The following BICC1 variants were observed in gnomAD, a reference collection of about 807,000 sequenced individuals.
The protein encoded by BICC1 is protein bicaudal C homolog 1.
A neutral mutation model predicts 111.0 loss-of-function variants in BICC1; 43 were observed. The ratio of observed to expected loss-of-function variants is 0.39; its 90% CI spans 0.30 to 0.50. The LOEUF (loss-of-function observed/expected upper bound fraction) is 0.50. Ranked by LOEUF, BICC1 falls within the 20% of genes least tolerant of loss-of-function variation. The probability of loss-of-function intolerance (pLI) is 0.88; values close to 1 mark genes in which losing one functional copy is unlikely to be tolerated. For missense variants in BICC1, 1,091 were observed against 1,203.2 expected, an observed-to-expected ratio of 0.91 and a Z score of 1.38; for synonymous variants, 467 against 434.4, an observed-to-expected ratio of 1.07 and a Z score of -0.93.
At position 58,634,762 on chromosome 10, in the gene BICC1, G is replaced by C. The variant is rs80314509; in HGVS notation, c.237+13861G>C. The stretch of plus-strand genomic sequence containing the variant: ...GCTGAACTATTGATAGCCTAGTGTT[G>C]ACCAGAAGCCTTACTGATAAAATCA... On this transcript the variant is annotated intron_variant, in intron 2 of 20. Transcript: ENST00000373886. Among the ~76,000 whole-genome samples, 975 of 152,246 alleles carry C rather than the reference G, an allele frequency of 6.4e-3. 10 individuals are homozygous for C. The highest frequency in any genetic ancestry group is 0.022 in the African/African-American group (932 of 41,542).
At chr10:58,514,306 G>A (rs1177433986) in intron 1 of BICC1, among the ~76,000 whole-genome samples, 1 of 152,222 alleles carries the variant, frequency 6.6e-6, no homozygotes, top group Non-Finnish European at 1.5e-5. Context: ...GGGACCAGGC[G>A]TTAGTCTCAC....
chr10:58,518,726 A>T (rs914445379), intron 1 of BICC1, among the ~76,000 whole-genome samples: 1 of 152,074 alleles, frequency 6.6e-6, no homozygotes. Context: ...GTGAAAAAAC[A>T]CATCAGAGGT....
intron 1 of BICC1, among the ~76,000 whole-genome samples, chr10:58,561,803 A>G (rs529699933): frequency 8.7e-4 from 133 of 152,208 alleles, no homozygotes; most frequent in African/African-American, 3.1e-3. Context: ...AGCCTTTCTT[A>G]TAAGGTTGCT....
intron 3 of BICC1, among the ~76,000 whole-genome samples, chr10:58,754,721 G>GT (rs1842091653): frequency 1.3e-5 from 2 of 151,656 alleles, no homozygotes; most frequent in African/African-American, 4.9e-5. Flanking sequence ...CCTCTGTACT[G>GT]TATGGGCTTT....
chr10:58,819,393 AGTTTTACCT>A (rs1844189210), intron 19 of BICC1, among the ~76,000 whole-genome samples: 1 of 152,168 alleles, frequency 6.6e-6, no homozygotes, highest in Admixed American at 6.5e-5. Flanking sequence ...TTTAATGAAA[AGTTTTACCT>A]GTTTATGGCA....
At chr10:58,650,613 T>C (rs1838417287) in intron 2 of BICC1, 1 of 152,190 alleles carries the variant, frequency 6.6e-6, no homozygotes, top group Non-Finnish European at 1.5e-5. Flanking sequence ...TATTCATGGC[T>C]CAAATGGGGC....
rs879527332 is a variant in BICC1, at chr10:58,724,379, CTG to C, written c.307+22248_307+22249del. Among the ~76,000 whole-genome samples the C allele has an allele frequency of 3.4e-4, 51 of 151,580 alleles. 1 individual carries two copies. Among genetic ancestry groups the C allele is most frequent in the South Asian group, 1.5e-3 (7 of 4,794 alleles). On this transcript the variant is annotated intron_variant, in intron 3 of 20. Coordinates refer to ENST00000373886, the MANE Select transcript of BICC1 (RefSeq NM_001080512.3). Reference sequence around the variant, plus strand: ...ATGATTGGATGAAAGAACTCTGTGTCTGTGTGTGTGTGTATATGTGTGTATGT... The same window carrying C: ...ATGATTGGATGAAAGAACTCTGTGTCTGTGTGTGTGTATATGTGTGTATGT...
At chr10:58,556,313 A>G (rs943993119) in intron 1 of BICC1, among the ~76,000 whole-genome samples, 3 of 152,144 alleles carry the variant, frequency 2.0e-5, no homozygotes, top group African/African-American at 7.2e-5. Context: ...TAATAGGTCA[A>G]TTTGGTCTTG....
At chr10:58,638,465 T>G (rs1228000883) in intron 2 of BICC1, among the ~76,000 whole-genome samples, 1 of 152,206 alleles carries the variant, frequency 6.6e-6, no homozygotes. Flanking sequence ...GACTCTTGCC[T>G]TCTTTGCTTT....
rs111301500 is a variant in BICC1 at position 58,805,812 on chromosome 10, A to G, written c.2182-772A>G. Among the ~76,000 whole-genome samples the G allele has an allele frequency of 1.5e-3, 226 of 152,270 alleles. 3 individuals carry two copies. The highest frequency in any genetic ancestry group is 5.2e-3 in the African/African-American group (218 of 41,550). On this transcript the variant is annotated intron_variant, in intron 15 of 20. Transcript: ENST00000373886. ...GACATGCTTAGATCAAGTCTTAGCTATTTCCTAAATTGGGGAGTTGATAAC... is the reference window on the plus strand; with the variant it reads ...GACATGCTTAGATCAAGTCTTAGCTGTTTCCTAAATTGGGGAGTTGATAAC...
At chr10:58,592,752 C>T (rs1455154432) in intron 1 of BICC1, among the ~76,000 whole-genome samples, 1 of 151,344 alleles carries the variant, frequency 6.6e-6, no homozygotes, top group East Asian at 1.9e-4. Flanking sequence ...TGGCGTGCAC[C>T]TGTAGTCCCA....
intron 3 of BICC1, among the ~76,000 whole-genome samples, chr10:58,730,627 CTT>C (rs1287235017): frequency 2.0e-5 from 3 of 151,996 alleles, no homozygotes; most frequent in African/African-American, 7.2e-5. Flanking sequence ...GACATCTAGG[CTT>C]TTTCATATAT....
intron 1 of BICC1, among the ~76,000 whole-genome samples, chr10:58,562,259 C>A (rs1417406065): frequency 6.6e-6 from 1 of 151,906 alleles, no homozygotes; most frequent in East Asian, 1.9e-4. Flanking sequence ...TATTTGTGTT[C>A]CATTGTCTTA....
intron 2 of BICC1, among the ~76,000 whole-genome samples, chr10:58,625,625 A>C (rs1040593045): frequency 2.6e-5 from 4 of 152,238 alleles, no homozygotes; most frequent in Non-Finnish European, 5.9e-5. Flanking sequence ...AGACTAAAAC[A>C]ATGAGATATT....
intron 2 of BICC1, among the ~76,000 whole-genome samples, chr10:58,668,246 A>G (rs1318090834): frequency 1.3e-5 from 2 of 152,092 alleles, no homozygotes; most frequent in Admixed American, 6.6e-5. Context: ...AGGTGCACCA[A>G]TTTATACAAA....
At chr10:58,719,097 T>C (rs1448107930) in intron 3 of BICC1, among the ~76,000 whole-genome samples, 1 of 152,220 alleles carries the variant, frequency 6.6e-6, no homozygotes, top group Non-Finnish European at 1.5e-5. Context: ...GGTATCCATA[T>C]GTAAAAGTAT....
At chr10:58,788,551 G>C (rs1012337381) in intron 6 of BICC1, 128 bp downstream of exon 6, 2 of 589,282 alleles carry the variant, frequency 3.4e-6, no homozygotes, top group African/African-American at 3.8e-5. Flanking sequence ...AGTGGCAAAA[G>C]TTATTTTAGT....
chr10:58,523,879 C>G (rs1384144225), intron 1 of BICC1, among the ~76,000 whole-genome samples: 1 of 152,102 alleles, frequency 6.6e-6, no homozygotes, highest in Non-Finnish European at 1.5e-5. Flanking sequence ...AATGAATGTG[C>G]AAAAATCACA....
intron 3 of BICC1, among the ~76,000 whole-genome samples, chr10:58,718,265 G>A (rs956342155): frequency 3.9e-5 from 6 of 152,126 alleles, no homozygotes; most frequent in Admixed American, 1.3e-4. Context: ...CTCATAGGTG[G>A]CACCTTCTAT....
Sources: gnomAD v4.1 joint callset for allele counts (sites outside exome capture counted in the v4.1 genomes callset) on GRCh38, gnomAD v4.1.1 for gene constraint, MANE v1.5 for transcripts, NCBI Gene and HGNC (gene_info 2026-07-23, HGNC 2026-07-21) for gene names.